Variants in SMAD6 observed in about 807,000 individuals in gnomAD.
SMAD6 encodes the protein SMAD family member 6, also known as MAD homolog 6.
In SMAD6, 103 loss-of-function variants were observed where a neutral mutation model predicts 39.4. That is an observed-to-expected ratio of 2.62 (90% CI 2.23 to 3.08). The LOEUF is 3.08. Among genes scored for constraint, SMAD6 ranks in the 30% most tolerant of loss-of-function variants. The pLI is 0.00. For missense variants in SMAD6, 1,104 were observed against 742.9 expected (o/e 1.49, Z -5.65); for synonymous variants, 445 against 353.3 (o/e 1.26, Z -2.91).
rs1360646295 is a variant in SMAD6, at chr15:66,710,928, G to C, written c.818-740G>C. Reference sequence around the variant, plus strand: ...GACTGGCTTAAGGCCTATTGAGATAGCTGGGTTTGGCCTTTTGGGTCCTAA... The same window carrying C: ...GACTGGCTTAAGGCCTATTGAGATACCTGGGTTTGGCCTTTTGGGTCCTAA... On this transcript the variant is annotated intron_variant, in intron 1 of 3. Transcript: ENST00000288840. Among the ~76,000 whole-genome samples, 3 of 152,212 alleles carry C rather than the reference G, an allele frequency of 2.0e-5. No individual in the cohort carries two copies. In the East Asian group the frequency reaches 5.8e-4, roughly 29 times the overall value.
chr15:66,753,803 A>ACAG (rs1894051108), intron 3 of SMAD6, among the ~76,000 whole-genome samples: 1 of 152,162 alleles, frequency 6.6e-6, no homozygotes, highest in Non-Finnish European at 1.5e-5. Flanking sequence ...TCTGAGGGAA[A>ACAG]CAGCCCCAGA....
intron 3 of SMAD6, among the ~76,000 whole-genome samples, chr15:66,770,562 A>C (rs1050288373): frequency 6.6e-6 from 1 of 152,142 alleles, no homozygotes; most frequent in African/African-American, 2.4e-5. Context: ...TTCCCACCCC[A>C]GGTGGTCTCT....
chr15:66,746,441 C>G (rs959412605), intron 3 of SMAD6, among the ~76,000 whole-genome samples: 1 of 152,198 alleles, frequency 6.6e-6, no homozygotes, highest in African/African-American at 2.4e-5. Context: ...CTCAAGGACC[C>G]TGACTTCAGC....
At chr15:66,717,420 A>C in intron 3 of SMAD6, 1 of 456,064 alleles carries the variant, frequency 2.2e-6, no homozygotes, top group Non-Finnish European at 4.4e-6. Flanking sequence ...CTTTATATGC[A>C]TTCTCTTGGG....
In SMAD6 at chr15:66,703,762, G is replaced by T; in HGVS notation, c.504G>T (p.Leu168=). The stretch of plus-strand genomic sequence containing the variant: ...AAGCGCGCTCGCGGCTGCTGCTGCT[G>T]GAGCAGGAACTCAAAACCGTCACGT... ...SREARSRLLL[L]EQELKTVTYS... is the part of the protein sequence containing the mutation. The change falls in exon 1 of 4, where the codon CTG becomes CTT. Residue 168 remains leucine (L), a synonymous_variant. Coordinates refer to ENST00000288840, the MANE Select transcript of SMAD6 (RefSeq NM_005585.5). 3 of 1,413,164 alleles carry T rather than the reference G, an allele frequency of 2.1e-6. No individual in the cohort carries two copies. Among genetic ancestry groups the T allele is most frequent in the South Asian group, 1.5e-5 (1 of 68,940 alleles). 87.5% of individuals were successfully genotyped at this position (1,413,164 alleles called of 1,614,324 possible).
chr15:66,729,872 C>T (rs758226896), intron 3 of SMAD6, among the ~76,000 whole-genome samples: 3 of 152,158 alleles, frequency 2.0e-5, no homozygotes, highest in South Asian at 2.1e-4. Context: ...GTCAGCATTT[C>T]GCTGAGCCCT....
chr15:66,781,348 C>A lies in SMAD6; in HGVS notation c.1304C>A (p.Ser435Tyr), dbSNP rs1894567595. The change falls in exon 4 of 4, where the codon TCC (serine) becomes TAC (tyrosine). Residue 435 changes from serine (S) to tyrosine (Y), a missense_variant. Transcript: ENST00000288840. ...GTGCGCAAGGTGCCCCCCGGCTACT[C>A]CATCAAGGTGTTCGACTTCGAGCGC... ...LVVRKVPPGY[S>Y]IKVFDFERSG... 6.2e-7 allele frequency: 1 copy of A among 1,600,268 alleles called. No individual in the cohort carries two copies. The highest frequency in any genetic ancestry group is 1.7e-5 in the Admixed American group (1 of 59,722).
At chr15:66,721,249 G>T (rs1265441998) in intron 3 of SMAD6, among the ~76,000 whole-genome samples, 1 of 152,154 alleles carries the variant, frequency 6.6e-6, no homozygotes, top group African/African-American at 2.4e-5. Flanking sequence ...GGTAGCACCT[G>T]TGCCTGCCGT....
intron 3 of SMAD6, among the ~76,000 whole-genome samples, chr15:66,763,534 G>A (rs1162932452): frequency 6.6e-6 from 1 of 152,224 alleles, no homozygotes; most frequent in African/African-American, 2.4e-5. Context: ...GGGCCTTGCA[G>A]TCTGTCCCTC....
intron 3 of SMAD6, among the ~76,000 whole-genome samples, chr15:66,720,502 C>G (rs1171009232): frequency 6.6e-6 from 1 of 152,142 alleles, no homozygotes; most frequent in Non-Finnish European, 1.5e-5. Context: ...CCCGGGCCTG[C>G]CTGACTCCAT....
In SMAD6 at chr15:66,735,988, T is replaced by C. The variant is rs545175391; in HGVS notation, c.952+19490T>C. Among the ~76,000 whole-genome samples the C allele has an allele frequency of 1.3e-4, 20 of 152,328 alleles. No homozygotes were observed. In the South Asian group the frequency reaches 3.7e-3, roughly 28 times the overall value. ...ATGGGGGTTTATTGTTACTATTCTT[T>C]CACTTTTGGTGATGCTTGAAATTTT... On this transcript the variant is annotated intron_variant, in intron 3 of 3. Coordinates refer to ENST00000288840, the MANE Select transcript of SMAD6 (RefSeq NM_005585.5).
chr15:66,775,713 G>A (rs1000314952), intron 3 of SMAD6, among the ~76,000 whole-genome samples: 2 of 152,162 alleles, frequency 1.3e-5, no homozygotes, highest in African/African-American at 4.8e-5. Flanking sequence ...GTCAGAGCTC[G>A]GTCATCTTTG....
chr15:66,755,916 C>T (rs1351764674), intron 3 of SMAD6, among the ~76,000 whole-genome samples: 1 of 152,086 alleles, frequency 6.6e-6, no homozygotes, highest in Non-Finnish European at 1.5e-5. Context: ...CTGGGTTTGG[C>T]CCCCACCACT....
intron 3 of SMAD6, among the ~76,000 whole-genome samples, chr15:66,769,394 C>T (rs976853942): frequency 1.3e-5 from 2 of 152,156 alleles, no homozygotes; most frequent in East Asian, 1.9e-4. Context: ...CACCTGCCCA[C>T]GGTAACATAG....
At chr15:66,768,021 G>C (rs1263081729) in intron 3 of SMAD6, among the ~76,000 whole-genome samples, 1 of 136,324 alleles carries the variant, frequency 7.3e-6, no homozygotes, top group African/African-American at 2.8e-5. Flanking sequence ...CCAGGCTGGA[G>C]TGCAGTGGTG....
intron 3 of SMAD6, among the ~76,000 whole-genome samples, chr15:66,755,182 G>A (rs1894075351): frequency 6.6e-6 from 1 of 152,178 alleles, no homozygotes; most frequent in African/African-American, 2.4e-5. Context: ...TGGGGGTGAT[G>A]GGGAGGAGTC....
intron 3 of SMAD6, among the ~76,000 whole-genome samples, chr15:66,722,772 G>T (rs139389714): frequency 1.6e-4 from 25 of 152,264 alleles, no homozygotes; most frequent in African/African-American, 4.6e-4. Context: ...GAGGTGTGAG[G>T]GGGGGTCGGC....
At chr15:66,721,800 C>T (rs1443590015) in intron 3 of SMAD6, among the ~76,000 whole-genome samples, 1 of 152,138 alleles carries the variant, frequency 6.6e-6, no homozygotes, top group African/African-American at 2.4e-5. Flanking sequence ...TCAAGGTATT[C>T]ACAGATAGGT....
chr15:66,733,990 A>C (rs1322992856), intron 3 of SMAD6, among the ~76,000 whole-genome samples: 1 of 152,188 alleles, frequency 6.6e-6, no homozygotes, highest in African/African-American at 2.4e-5. Flanking sequence ...GAGGCTGATG[A>C]AAGGACAGGT....
Sources: gnomAD v4.1 joint callset for allele counts (sites outside exome capture counted in the v4.1 genomes callset) on GRCh38, gnomAD v4.1.1 for gene constraint, MANE v1.5 for transcripts, NCBI Gene and HGNC (gene_info 2026-07-23, HGNC 2026-07-21) for gene names.